SLC25A53: variants seen among roughly 807,000 people sequenced by gnomAD.
SLC25A53 encodes the protein mitochondrial carrier triple repeat protein 6.
SLC25A53 carries 5 observed loss-of-function variants against 15.0 expected under a neutral mutation model. That is an observed-to-expected ratio of 0.33 (90% CI 0.17 to 0.70). The LOEUF (loss-of-function observed/expected upper bound fraction) is 0.70. SLC25A53 is among the 30% of genes least tolerant of loss of function. The pLI is 0.67. For synonymous variants in SLC25A53, 95 were observed against 100.0 expected, an observed-to-expected ratio of 0.95 and a Z score of 0.30; for missense variants, 216 against 241.6, an observed-to-expected ratio of 0.89 and a Z score of 0.70.
chrX:104,111,253 G>A (rs781941169), intron 1 of SLC25A53, among the ~76,000 whole-genome samples: 1 of 111,831 alleles, frequency 8.9e-6, no homozygotes, highest in Non-Finnish European at 1.9e-5. Flanking sequence ...CAGGGGTAAG[G>A]CCCAATAATC....
rs1285427658 is a variant in SLC25A53 at position 104,156,990 on chromosome X, C to T, written c.-144G>A. On this transcript the variant is annotated 5_prime_UTR_variant, in exon 1 of 2. Coordinates refer to ENST00000594199, the MANE Select transcript of SLC25A53 (RefSeq NM_001012755.5). ...CGCCCATCCGCCGCCCTCACTTAAG[C>T]GACGCACAACGGAGCTCCCACAATC... 2 of 111,438 alleles carry T rather than the reference C, an allele frequency of 1.8e-5. No individual in the cohort carries two copies. The highest frequency in any genetic ancestry group is 9.5e-5 in the Admixed American group (1 of 10,562). 9.2% of individuals were successfully genotyped at this position (111,438 alleles called of 1,213,427 possible). A position where few individuals can be genotyped will look rare whatever the true frequency, so the allele number is the denominator to read the frequency against.
In SLC25A53 at chrX:104,126,262, T is replaced by A. The variant is rs376961321; in HGVS notation, c.-31-20974A>T. On this transcript the variant is annotated intron_variant, in intron 1 of 1. Transcript: ENST00000594199. ...AGTTCGAGGCTGCAGTGAGCTACGA[T>A]CACATCACTGCACTCCAGTCTGGGC... 8.1e-5 allele frequency among the ~76,000 whole-genome samples: 9 copies of A among 111,389 alleles called. No homozygotes were observed. In the East Asian group the frequency reaches 2.0e-3, roughly 24 times the overall value.
intron 1 of SLC25A53, among the ~76,000 whole-genome samples, chrX:104,118,156 GC>G (rs1556361901): frequency 8.9e-6 from 1 of 112,382 alleles, no homozygotes; most frequent in Non-Finnish European, 1.9e-5. Context: ...GTGAAAGAAG[GC>G]TTTTAAAAAA....
chrX:104,143,751 A>G (rs1556368048), intron 1 of SLC25A53, among the ~76,000 whole-genome samples: 1 of 111,509 alleles, frequency 9.0e-6, no homozygotes, highest in Non-Finnish European at 1.9e-5. Flanking sequence ...AAATACAGAG[A>G]ACACCACAGA....
chrX:104,156,857 C>T (rs1218909327), intron 1 of SLC25A53, 21 bp downstream of exon 1: 1 of 111,925 alleles, frequency 8.9e-6, no homozygotes, highest in Admixed American at 9.5e-5. Flanking sequence ...ACGCCCTCAG[C>T]CCATAAGAAG....
chrX:104,141,960 A>G (rs1316273075), intron 1 of SLC25A53, among the ~76,000 whole-genome samples: 1 of 112,049 alleles, frequency 8.9e-6, no homozygotes, highest in Non-Finnish European at 1.9e-5. Flanking sequence ...TAAAATCTAA[A>G]ATGTGGCCAC....
At chrX:104,111,671 G>C (rs2075344929) in intron 1 of SLC25A53, among the ~76,000 whole-genome samples, 1 of 110,713 alleles carries the variant, frequency 9.0e-6, no homozygotes, top group Non-Finnish European at 1.9e-5. Flanking sequence ...GACTGCTGTT[G>C]AGATGGTTTG....
chrX:104,155,472 T>C (rs1205890493), intron 1 of SLC25A53, among the ~76,000 whole-genome samples: 1 of 111,554 alleles, frequency 9.0e-6, no homozygotes, highest in East Asian at 2.8e-4. Flanking sequence ...CTGATTCTGA[T>C]TCACAGGAAA....
At position 104,104,898 on chromosome X, in the gene SLC25A53, G is replaced by T. The variant is rs79629984; in HGVS notation, c.360C>A (p.Ala120=). The T allele has an allele frequency of 3.7e-3, 4,450 of 1,209,912 alleles. 122 individuals are homozygous for T. The African/African-American group carries it at 0.069, about 19-fold the overall frequency. ...GPHTLGHRWA[A]GLMSGVVEAV... The stretch of plus-strand genomic sequence containing the variant: ...CCTCCACCACGCCAGACATGAGCCC[G>T]GCAGCCCAGCGGTGTCCCAGGGTGT... The change falls in exon 2 of 2, where the codon GCC becomes GCA. Residue 120 remains alanine (A), a synonymous_variant. Transcript: ENST00000594199.
rs1174421538 is a variant in SLC25A53 at position 104,101,317 on chromosome X, T to A, written c.*3017A>T. On this transcript the variant is annotated 3_prime_UTR_variant, in exon 2 of 2. Coordinates refer to ENST00000594199, the MANE Select transcript of SLC25A53 (RefSeq NM_001012755.5). ...TTATGGAAGCTTCATTGCGTAGGCA[T>A]GATTGATTAAATCATTGGCCACTGG... 1 of 111,496 alleles carries A rather than the reference T, an allele frequency of 9.0e-6. No homozygotes were observed. Among genetic ancestry groups the A allele is most frequent in the East Asian group, 2.8e-4 (1 of 3,519 alleles). The allele number at this position is 111,496 out of a possible 1,213,427, so 9.2% of individuals were successfully genotyped here.
intron 1 of SLC25A53, among the ~76,000 whole-genome samples, chrX:104,123,458 G>A: frequency 8.9e-6 from 1 of 112,650 alleles, no homozygotes; most frequent in East Asian, 2.8e-4. Flanking sequence ...AGGTGAGGGA[G>A]CTCTAGGGTC....
chrX:104,117,417 G>GC (rs2075381075), intron 1 of SLC25A53, among the ~76,000 whole-genome samples: 1 of 111,069 alleles, frequency 9.0e-6, no homozygotes, highest in Admixed American at 9.6e-5. Flanking sequence ...TTCCATGATG[G>GC]CCTTAAGCCT....
chrX:104,123,236 C>G (rs781789268), intron 1 of SLC25A53, among the ~76,000 whole-genome samples: 1 of 112,579 alleles, frequency 8.9e-6, no homozygotes, highest in Non-Finnish European at 1.9e-5. Flanking sequence ...CAGGGGAAAA[C>G]AATATAATCC....
rs2075276573 is a variant in SLC25A53 at position 104,100,709 on chromosome X, G to A, written c.*3625C>T. 1 of 111,992 alleles carries A rather than the reference G, an allele frequency of 8.9e-6. No homozygotes were observed. The highest frequency in any genetic ancestry group is 1.9e-5 in the Non-Finnish European group (1 of 53,219). 9.2% of individuals were successfully genotyped at this position (111,992 alleles called of 1,213,427 possible). A position where few individuals can be genotyped will look rare whatever the true frequency, so the allele number is the denominator to read the frequency against. On this transcript the variant is annotated 3_prime_UTR_variant, in exon 2 of 2. Coordinates refer to ENST00000594199, the MANE Select transcript of SLC25A53 (RefSeq NM_001012755.5). ...CAACATACATAAAGTTTTTATAAAG[G>A]CAAATATAGTAAATTTAAGCAATTA...
rs782392194 is a variant in SLC25A53 at position 104,104,376 on chromosome X, C to A, written c.882G>T (p.Leu294=). 5.0e-5 allele frequency: 60 copies of A among 1,209,404 alleles called. No individual in the cohort carries two copies. The Middle Eastern group carries it at 7.2e-4, about 14-fold the overall frequency. The change falls in exon 2 of 2, where the codon CTG becomes CTT. Residue 294 remains leucine, a synonymous_variant. Coordinates refer to ENST00000594199, the MANE Select transcript of SLC25A53 (RefSeq NM_001012755.5). ...WGLTTAIHDF[L]QRKSHSRKEL... ...CTTTCCTGGAGTGCGACTTCCTCTG[C>A]AGGAAGTCATGGATTGCCGTAGTGA...
rs916114816 is a variant in SLC25A53, at chrX:104,156,871, T to G, written c.-32+7A>C. On this transcript the variant is annotated splice_region_variant and intron_variant, in intron 1 of 1. Coordinates refer to ENST00000594199, the MANE Select transcript of SLC25A53 (RefSeq NM_001012755.5). ...TACGCCCTCAGCCCATAAGAAGTGC[T>G]ACAAACCTCCGCCTCGCTCGCTGTC... 6 of 111,970 alleles carry G rather than the reference T, an allele frequency of 5.4e-5. No homozygotes were observed. The Admixed American group carries it at 5.7e-4, about 11-fold the overall frequency. The allele number at this position is 111,970 out of a possible 1,213,427, so 9.2% of individuals were successfully genotyped here. A position where few individuals can be genotyped will look rare whatever the true frequency, so the allele number is the denominator to read the frequency against.
intron 1 of SLC25A53, among the ~76,000 whole-genome samples, chrX:104,134,692 G>A (rs1036304813): frequency 1.8e-5 from 2 of 111,300 alleles, no homozygotes; most frequent in Non-Finnish European, 3.8e-5. Context: ...TTTTCAAGGC[G>A]TCTCAATTTT....
intron 1 of SLC25A53, among the ~76,000 whole-genome samples, chrX:104,117,819 T>G (rs976675202): frequency 8.9e-6 from 1 of 112,359 alleles, no homozygotes; most frequent in Non-Finnish European, 1.9e-5. Context: ...TACCTAGATA[T>G]GCTGTCATAA....
chrX:104,105,778 C>T lies in SLC25A53; in HGVS notation c.-31-490G>A, dbSNP rs1484173879. 2.7e-5 allele frequency among the ~76,000 whole-genome samples: 3 copies of T among 111,767 alleles called. No homozygotes were observed. The Admixed American group carries it at 2.8e-4, about 11-fold the overall frequency. On this transcript the variant is annotated intron_variant, in intron 1 of 1. Coordinates refer to ENST00000594199, the MANE Select transcript of SLC25A53 (RefSeq NM_001012755.5). ...AATTTGGGGAGGGGGAATCTCCCCT[C>T]GCCTTTCTCTCCATAGATTCCTGCC...
Sources: gnomAD v4.1 joint callset for allele counts (sites outside exome capture counted in the v4.1 genomes callset) on GRCh38, gnomAD v4.1.1 for gene constraint, MANE v1.5 for transcripts, NCBI Gene and HGNC (gene_info 2026-07-23, HGNC 2026-07-21) for gene names.